Variants in XRCC4 observed in about 807,000 individuals in gnomAD.
XRCC4 encodes X-ray repair cross complementing 4, also known as DNA repair protein XRCC4.
XRCC4 carries 28 observed loss-of-function variants against 39.1 expected under a neutral mutation model. The ratio of observed to expected loss-of-function variants is 0.72; its 90% confidence interval spans 0.53 to 0.98. XRCC4 has a LOEUF of 0.98. Ranked by LOEUF, XRCC4 falls within the 50% of genes least tolerant of loss-of-function variation. The pLI is 0.00. For synonymous variants in XRCC4, 123 were observed against 126.4 expected (o/e 0.97, Z 0.18); for missense variants, 350 against 376.4 (o/e 0.93, Z 0.58).
At chr5:83,233,436 A>G (rs980462589) in intron 6 of XRCC4, among the ~76,000 whole-genome samples, 1 of 152,124 alleles carries the variant, frequency 6.6e-6, no homozygotes, top group African/African-American at 2.4e-5. Context: ...ATAATCAACT[A>G]TATCACTTTT....
intron 1 of XRCC4, among the ~76,000 whole-genome samples, chr5:83,089,926 A>G (rs1488470866): frequency 6.6e-6 from 1 of 152,168 alleles, no homozygotes; most frequent in Admixed American, 6.5e-5. Context: ...CAGCCAAATG[A>G]GAGAGGACAC....
chr5:83,284,535 T>C (rs751861740), intron 7 of XRCC4, among the ~76,000 whole-genome samples: 5 of 152,140 alleles, frequency 3.3e-5, no homozygotes, highest in Admixed American at 6.5e-5. Context: ...TGTCATAGTT[T>C]TATGACCTCT....
intron 6 of XRCC4, among the ~76,000 whole-genome samples, chr5:83,242,955 A>G (rs1169488869): frequency 6.6e-6 from 1 of 152,246 alleles, no homozygotes; most frequent in African/African-American, 2.4e-5. Flanking sequence ...CAGGTATCAT[A>G]TATAACCAAA....
intron 3 of XRCC4, among the ~76,000 whole-genome samples, chr5:83,168,383 A>T: frequency 6.6e-6 from 1 of 152,176 alleles, no homozygotes; most frequent in East Asian, 1.9e-4. Flanking sequence ...TAAAGCAACA[A>T]TGGACTCAAT....
intron 3 of XRCC4, among the ~76,000 whole-genome samples, chr5:83,184,681 T>G (rs1447252701): frequency 1.3e-5 from 2 of 152,148 alleles, no homozygotes; most frequent in African/African-American, 4.8e-5. Flanking sequence ...TTTTGGCCAG[T>G]ATTTGCTTAC....
chr5:83,182,779 C>G (rs927448413), intron 3 of XRCC4, among the ~76,000 whole-genome samples: 9 of 152,102 alleles, frequency 5.9e-5, no homozygotes, highest in Non-Finnish European at 1.2e-4. Context: ...AGGCTATTGG[C>G]CCTTTGTTTC....
intron 1 of XRCC4, among the ~76,000 whole-genome samples, chr5:83,093,353 C>CAAT (rs1745520859): frequency 6.6e-6 from 1 of 152,056 alleles, no homozygotes; most frequent in Non-Finnish European, 1.5e-5. Context: ...GACTGTAATA[C>CAAT]AATAACAGTA....
chr5:83,101,272 C>T (rs956718165), intron 1 of XRCC4, among the ~76,000 whole-genome samples: 3 of 152,016 alleles, frequency 2.0e-5, no homozygotes, highest in African/African-American at 4.8e-5. Flanking sequence ...TTAGCTTCTA[C>T]GGTATAAGCA....
chr5:83,273,652 A>G (rs1580452359), intron 7 of XRCC4, among the ~76,000 whole-genome samples: 1 of 152,122 alleles, frequency 6.6e-6, no homozygotes, highest in Non-Finnish European at 1.5e-5. Flanking sequence ...CAGTTTTCCC[A>G]GCACCATTTA....
the XRCC4 span, among the ~76,000 whole-genome samples, chr5:83,360,267 G>T: frequency 1.3e-5 from 2 of 152,102 alleles, no homozygotes; most frequent in Non-Finnish European, 2.9e-5. Flanking sequence ...GGGACAAGAT[G>T]ATTGTAGTGA....
chr5:83,233,062 C>A (rs1418553816), intron 6 of XRCC4, among the ~76,000 whole-genome samples: 1 of 152,102 alleles, frequency 6.6e-6, no homozygotes, highest in African/African-American at 2.4e-5. Context: ...GAATCTTAAC[C>A]ATTTTTTATG....
At chr5:83,139,325 T>A (rs1285600928) in intron 3 of XRCC4, among the ~76,000 whole-genome samples, 2 of 152,196 alleles carry the variant, frequency 1.3e-5, no homozygotes, top group Non-Finnish European at 2.9e-5. Context: ...AGAAATGATG[T>A]TGTACCTTTC....
At chr5:83,174,813 AG>A (rs1749878703) in intron 3 of XRCC4, among the ~76,000 whole-genome samples, 2 of 152,182 alleles carry the variant, frequency 1.3e-5, no homozygotes, top group South Asian at 4.1e-4. Flanking sequence ...ATAGTTCAAC[AG>A]TTTTGTCTGG....
At chr5:83,148,805 GATA>G (rs910143628) in intron 3 of XRCC4, among the ~76,000 whole-genome samples, 18 of 150,584 alleles carry the variant, frequency 1.2e-4, no homozygotes, top group Non-Finnish European at 1.3e-4. Flanking sequence ...CATCAATAAT[GATA>G]ATAATAATAA....
chr5:83,092,749 C>CA (rs982314379), intron 1 of XRCC4, among the ~76,000 whole-genome samples: 1 of 151,112 alleles, frequency 6.6e-6, no homozygotes, highest in African/African-American at 2.4e-5. Flanking sequence ...TCATGGTAGC[C>CA]AAAAAGCAAA....
At chr5:83,272,092 C>A (rs941619186) in intron 7 of XRCC4, among the ~76,000 whole-genome samples, 4 of 152,134 alleles carry the variant, frequency 2.6e-5, no homozygotes, top group Non-Finnish European at 5.9e-5. Context: ...CACAGTAAGA[C>A]CTACAATTAA....
At chr5:83,097,422 G>A (rs1300868910) in intron 1 of XRCC4, among the ~76,000 whole-genome samples, 1 of 151,710 alleles carries the variant, frequency 6.6e-6, no homozygotes, top group Non-Finnish European at 1.5e-5. Flanking sequence ...TAAGAAATAG[G>A]CAGATAAATG....
intron 1 of XRCC4, among the ~76,000 whole-genome samples, chr5:83,083,375 ATTTTT>A: frequency 7.9e-6 from 1 of 126,866 alleles, no homozygotes; most frequent in South Asian, 2.5e-4. Flanking sequence ...TGAATCTGTA[ATTTTT>A]TTTTTTTTTT....
intron 7 of XRCC4, among the ~76,000 whole-genome samples, chr5:83,308,531 A>T (rs1046368294): frequency 1.3e-5 from 2 of 152,152 alleles, no homozygotes; most frequent in Non-Finnish European, 2.9e-5. Context: ...TCAGTGCCAA[A>T]TTTTCTCTAC....
Sources: allele counts gnomAD v4.1 joint callset (sites outside exome capture counted in the v4.1 genomes callset), GRCh38; gene constraint gnomAD v4.1.1; transcripts MANE v1.5; gene names NCBI Gene and HGNC (gene_info 2026-07-23, HGNC 2026-07-21).